ZFAND5: variants seen among roughly 807,000 people sequenced by gnomAD.
ZFAND5 encodes the protein AN1-type zinc finger protein 5.
A neutral mutation model predicts 23.6 loss-of-function variants in ZFAND5; 4 were observed. The observed-to-expected ratio is 0.17, with a 90% CI of 0.08 to 0.39. ZFAND5 has a LOEUF of 0.39. Among genes scored for constraint, ZFAND5 ranks in the 10% least tolerant of loss-of-function variants. ZFAND5 has a pLI of 1.00. For synonymous variants in ZFAND5, 68 were observed against 80.6 expected (o/e 0.84, Z 0.84); for missense variants, 161 against 253.7 (o/e 0.63, Z 2.48).
intron 3 of ZFAND5, 65 bp from the exon 4 acceptor site, chr9:72,360,286 G>A (rs531930466): frequency 1.2e-5 from 16 of 1,335,580 alleles, no homozygotes; most frequent in East Asian, 6.9e-5. Flanking sequence ...GTATCAAGAC[G>A]TAGTAATAAA....
At chr9:72,356,470 G>T (rs960716891) in intron 6 of ZFAND5, among the ~76,000 whole-genome samples, 1 of 152,100 alleles carries the variant, frequency 6.6e-6, no homozygotes, top group East Asian at 1.9e-4. Flanking sequence ...TAGATGCAAC[G>T]CAGGATAAAA....
chr9:72,362,978 T>C (rs1842148190), intron 2 of ZFAND5, among the ~76,000 whole-genome samples: 1 of 152,054 alleles, frequency 6.6e-6, no homozygotes, highest in African/African-American at 2.4e-5. Flanking sequence ...CGTTCATATA[T>C]CTAACATAAG....
At chr9:72,361,522 C>G (rs1842101231) in intron 2 of ZFAND5, among the ~76,000 whole-genome samples, 1 of 152,194 alleles carries the variant, frequency 6.6e-6, no homozygotes, top group Non-Finnish European at 1.5e-5. Context: ...GCCAAAGGCA[C>G]TATTAATTTT....
At chr9:72,359,561 GGTACTTC>G in intron 4 of ZFAND5, 40 bp from the exon 5 acceptor site, 1 of 1,566,842 alleles carries the variant, frequency 6.4e-7, no homozygotes, top group Non-Finnish European at 8.7e-7. Flanking sequence ...AGGTGTTAAG[GGTACTTC>G]TTGAGACAAT....
rs1841809187 is a variant in ZFAND5 at position 72,352,747 on chromosome 9, T to A, written c.*3206A>T. ...TGTTCTCAAAGTTTTCTTCCCAAGTTATGGAAACCATTATTCCAGAACATT... is the reference window on the plus strand; with the variant it reads ...TGTTCTCAAAGTTTTCTTCCCAAGTAATGGAAACCATTATTCCAGAACATT... On this transcript the variant is annotated 3_prime_UTR_variant, in exon 7 of 7. Coordinates refer to ENST00000376962, the MANE Select transcript of ZFAND5 (RefSeq NM_001102420.3). 1 of 152,224 alleles carries A rather than the reference T, an allele frequency of 6.6e-6. No homozygotes were observed. Among genetic ancestry groups the A allele is most frequent in the South Asian group, 2.1e-4 (1 of 4,834 alleles). 9.4% of individuals were successfully genotyped at this position (152,224 alleles called of 1,614,324 possible). A position where few individuals can be genotyped will look rare whatever the true frequency, so the allele number is the denominator to read the frequency against.
In ZFAND5 at chr9:72,355,789, G is replaced by T; in HGVS notation, c.*164C>A. The T allele has an allele frequency of 1.5e-6, 1 of 677,386 alleles. No individual in the cohort carries two copies. The highest frequency in any genetic ancestry group is 2.5e-5 in the South Asian group (1 of 40,484). The allele number at this position is 677,386 out of a possible 1,614,324, so 42.0% of individuals were successfully genotyped here. On this transcript the variant is annotated 3_prime_UTR_variant, in exon 7 of 7. Coordinates refer to ENST00000376962, the MANE Select transcript of ZFAND5 (RefSeq NM_001102420.3). ...GGGCTGTATCTATCCAATTCTGCCT[G>T]TAACAAACACCCAAACATCCTAAAA...
chr9:72,358,146 C>G (rs1360724100), intron 5 of ZFAND5, among the ~76,000 whole-genome samples: 1 of 151,718 alleles, frequency 6.6e-6, no homozygotes, highest in East Asian at 1.9e-4. Context: ...CTCTAAAACT[C>G]TGCCCAAATT....
rs1841805983 is a variant in ZFAND5 at position 72,352,612 on chromosome 9, A to G, written c.*3341T>C. On this transcript the variant is annotated 3_prime_UTR_variant, in exon 7 of 7. Transcript: ENST00000376962. ...TTCCTAGCAACTTTATTTAATGCAG[A>G]TCTCTTGCAAAGAAAGCCTTACGGA... The G allele has an allele frequency of 6.6e-6, 1 of 152,222 alleles. No homozygotes were observed. Among genetic ancestry groups the G allele is most frequent in the Non-Finnish European group, 1.5e-5 (1 of 68,044 alleles). The allele number at this position is 152,222 out of a possible 1,614,324, so 9.4% of individuals were successfully genotyped here. A position where few individuals can be genotyped will look rare whatever the true frequency, so the allele number is the denominator to read the frequency against.
At position 72,355,145 on chromosome 9, in the gene ZFAND5, A is replaced by G. The variant is rs1841904960; in HGVS notation, c.*808T>C. 1 of 152,684 alleles carries G rather than the reference A, an allele frequency of 6.5e-6. No individual in the cohort carries two copies. Among genetic ancestry groups the G allele is most frequent in the African/African-American group, 2.4e-5 (1 of 41,476 alleles). 9.5% of individuals were successfully genotyped at this position (152,684 alleles called of 1,614,324 possible). On this transcript the variant is annotated 3_prime_UTR_variant, in exon 7 of 7. Transcript: ENST00000376962. ...TTAAAATTCAGATGCATGTTATTCA[A>G]TAGAGCTGCTGTATGTGAAAACCAA...
chr9:72,364,646 G>A, intron 1 of ZFAND5, 50 bp downstream of exon 1: 1 of 1,152,404 alleles, frequency 8.7e-7, no homozygotes, highest in Non-Finnish European at 1.1e-6. Flanking sequence ...TCCCGCCCCC[G>A]GCCCGGCAAC....
chr9:72,359,401 T>G lies in ZFAND5; in HGVS notation c.367+17A>C. On this transcript the variant is annotated intron_variant, in intron 5 of 6. Transcript: ENST00000376962. ...TATCAAATTCAGAACTGAACAAGTA[T>G]TAAATGAAAAACATACCTGGCTCTG... 1 of 1,609,878 alleles carries G rather than the reference T, an allele frequency of 6.2e-7. No homozygotes were observed. The highest frequency in any genetic ancestry group is 8.5e-7 in the Non-Finnish European group (1 of 1,178,262).
chr9:72,360,293 T>G lies in ZFAND5; in HGVS notation c.152-72A>C, dbSNP rs1412041349. The stretch of plus-strand genomic sequence containing the variant: ...CTCACTTAGTATCAAGACGTAGTAA[T>G]AAATACTTGCATTTAATTAGGTTAG... On this transcript the variant is annotated intron_variant, in intron 3 of 6. Coordinates refer to ENST00000376962, the MANE Select transcript of ZFAND5 (RefSeq NM_001102420.3). The G allele has an allele frequency of 2.4e-6, 3 of 1,274,714 alleles. No homozygotes were observed. In the Admixed American group the frequency reaches 6.1e-5, roughly 26 times the overall value. The allele number at this position is 1,274,714 out of a possible 1,614,324, so 79.0% of individuals were successfully genotyped here.
rs1842038258 is a variant in ZFAND5 at position 72,359,528 on chromosome 9, G to C, written c.264-7C>G. ...GGCAGCCACAGGCACATTTCTATTT[G>C]AGTTCAAGCAAACAATTTTTAAAGG... On this transcript the variant is annotated splice_polypyrimidine_tract_variant and splice_region_variant and intron_variant, in intron 4 of 6. Transcript: ENST00000376962. 1 of 1,612,290 alleles carries C rather than the reference G, an allele frequency of 6.2e-7. No individual in the cohort carries two copies. The highest frequency in any genetic ancestry group is 1.1e-5 in the South Asian group (1 of 90,812).
rs535582092 is a variant in ZFAND5 at position 72,353,774 on chromosome 9, C to G, written c.*2179G>C. ...TAACTTGAAAAATTAAGTTGCCCTTCTAAATCTTCAACTTCTAAATTTTCA... is the reference window on the plus strand; with the variant it reads ...TAACTTGAAAAATTAAGTTGCCCTTGTAAATCTTCAACTTCTAAATTTTCA... On this transcript the variant is annotated 3_prime_UTR_variant, in exon 7 of 7. Coordinates refer to ENST00000376962, the MANE Select transcript of ZFAND5 (RefSeq NM_001102420.3). 6.6e-6 allele frequency: 1 copy of G among 152,302 alleles called. No homozygotes were observed. The highest frequency in any genetic ancestry group is 6.5e-5 in the Admixed American group (1 of 15,296). 9.4% of individuals were successfully genotyped at this position (152,302 alleles called of 1,614,324 possible). A position where few individuals can be genotyped will look rare whatever the true frequency, so the allele number is the denominator to read the frequency against.
At chr9:72,360,823 T>C (rs1242381331) in intron 2 of ZFAND5, 36 bp from the exon 3 acceptor site, 3 of 1,559,310 alleles carry the variant, frequency 1.9e-6, no homozygotes, top group Non-Finnish European at 2.6e-6. Flanking sequence ...ATTAGTGTTA[T>C]CACCAAAATA....
At chr9:72,363,070 T>C (rs908356152) in intron 2 of ZFAND5, among the ~76,000 whole-genome samples, 1 of 152,108 alleles carries the variant, frequency 6.6e-6, no homozygotes, top group Non-Finnish European at 1.5e-5. Flanking sequence ...GAAAGCATAG[T>C]CAAAGCTAAA....
At chr9:72,356,785 C>G (rs896565960) in intron 6 of ZFAND5, 146 bp downstream of exon 6, 7 of 988,206 alleles carry the variant, frequency 7.1e-6, no homozygotes, top group Non-Finnish European at 8.3e-6. Flanking sequence ...CACCCCAATA[C>G]CACCTCCTCC....
At position 72,352,449 on chromosome 9, in the gene ZFAND5, A is replaced by C. The variant is rs1286676994; in HGVS notation, c.*3504T>G. ...TGTATGTGTGCCTTTGAAATGGAGG[A>C]TATGGGACAGCTTGAGAGGCTTTGC... is the stretch of plus-strand genomic sequence containing the variant. On this transcript the variant is annotated 3_prime_UTR_variant, in exon 7 of 7. Transcript: ENST00000376962. 3 of 152,180 alleles carry C rather than the reference A, an allele frequency of 2.0e-5. No homozygotes were observed. The highest frequency in any genetic ancestry group is 7.2e-5 in the African/African-American group (3 of 41,448). 9.4% of individuals were successfully genotyped at this position (152,180 alleles called of 1,614,324 possible). A position where few individuals can be genotyped will look rare whatever the true frequency, so the allele number is the denominator to read the frequency against.
At position 72,360,756 on chromosome 9, in the gene ZFAND5, G is replaced by T; in HGVS notation, c.23C>A (p.Thr8Asn). 6.2e-7 allele frequency: 1 copy of T among 1,607,588 alleles called. No homozygotes were observed. MAQETNQ[T>N]PGPMLCSTGC... ...TGTGCTACACAGCATGGGCCCCGGGGTCTGGTTAGTCTCCTGAGCCATATT... is the reference window on the plus strand; with the variant it reads ...TGTGCTACACAGCATGGGCCCCGGGTTCTGGTTAGTCTCCTGAGCCATATT... Residue 8 changes from threonine (T) to asparagine (N), a missense_variant, in exon 3 of 7, where the codon ACC (threonine) becomes AAC (asparagine). Physicochemically the swap from Thr to Asn is moderately conservative, Grantham distance 65. Around this residue, in one of 3 missense-constraint regions of ZFAND5, gnomAD observed 21 missense variants for 58.5 expected, o/e 0.36. Transcript: ENST00000376962.
Sources: gnomAD v4.1 joint callset for allele counts (sites outside exome capture counted in the v4.1 genomes callset) on GRCh38, gnomAD v4.1.1 for gene constraint, gnomAD v4.1.1 regional missense constraint, MANE v1.5 for transcripts, NCBI Gene and HGNC (gene_info 2026-07-23, HGNC 2026-07-21) for gene names.